Variants in LDLRAD3 observed in about 807,000 individuals in gnomAD.
LDLRAD3 encodes the protein low density lipoprotein receptor class A domain containing 3, also known as low-density lipoprotein receptor class A domain-containing protein 3.
Under a neutral mutation model 29.4 loss-of-function variants are expected in LDLRAD3, and 20 were observed. That is an observed-to-expected ratio of 0.68 (90% CI 0.48 to 0.99). LDLRAD3 has a LOEUF of 0.99. LDLRAD3 is among the 50% of genes least tolerant of loss of function. LDLRAD3 has a pLI of 0.00. For missense variants in LDLRAD3, 420 were observed against 454.3 expected, an observed-to-expected ratio of 0.92 and a Z score of 0.69; for synonymous variants, 157 against 192.7, an observed-to-expected ratio of 0.81 and a Z score of 1.53.
chr11:36,137,224 T>G (rs1014854653), intron 4 of LDLRAD3, among the ~76,000 whole-genome samples: 2 of 152,198 alleles, frequency 1.3e-5, no homozygotes, highest in Admixed American at 1.3e-4. Flanking sequence ...GATGGGACCA[T>G]TCTGTCACTG....
At chr11:36,129,706 A>G (rs1322568831) in intron 4 of LDLRAD3, among the ~76,000 whole-genome samples, 1 of 151,740 alleles carries the variant, frequency 6.6e-6, no homozygotes, top group East Asian at 1.9e-4. Flanking sequence ...CCCAGCTGAA[A>G]CATCTGCCCT....
At chr11:36,176,104 G>C (rs547129819) in intron 4 of LDLRAD3, among the ~76,000 whole-genome samples, 1 of 151,998 alleles carries the variant, frequency 6.6e-6, no homozygotes, top group East Asian at 1.9e-4. Flanking sequence ...AGTCTGTTTT[G>C]TCTATAGCTA....
At chr11:36,079,745 C>T (rs887125574) in intron 2 of LDLRAD3, among the ~76,000 whole-genome samples, 39 of 152,246 alleles carry the variant, frequency 2.6e-4, no homozygotes, top group African/African-American at 4.8e-4. Flanking sequence ...ACTTGTGGAA[C>T]GAGGTATTTA....
chr11:36,036,272 G>A (rs1852303618), intron 2 of LDLRAD3, 23 bp downstream of exon 2: 1 of 1,613,614 alleles, frequency 6.2e-7, no homozygotes. Flanking sequence ...GCCCTTTGCT[G>A]GGGTGGGGTG....
intron 4 of LDLRAD3, among the ~76,000 whole-genome samples, chr11:36,126,850 T>TAA (rs1361106861): frequency 1.3e-5 from 2 of 152,192 alleles, no homozygotes; most frequent in African/African-American, 2.4e-5. Flanking sequence ...GTGTCCTGAA[T>TAA]GGCTAAGTAA....
intron 4 of LDLRAD3, among the ~76,000 whole-genome samples, chr11:36,139,848 A>G (rs1167101364): frequency 2.0e-5 from 3 of 152,100 alleles, no homozygotes; most frequent in Non-Finnish European, 4.4e-5. Flanking sequence ...ATAGGGGGCA[A>G]CCTCTCTTCC....
intron 4 of LDLRAD3, among the ~76,000 whole-genome samples, chr11:36,178,813 G>C (rs1442986298): frequency 6.6e-6 from 1 of 152,140 alleles, no homozygotes; most frequent in Non-Finnish European, 1.5e-5. Context: ...TCCTGCCTTT[G>C]AACATCCATA....
intron 1 of LDLRAD3, among the ~76,000 whole-genome samples, chr11:35,953,257 C>T (rs1009484367): frequency 6.6e-6 from 1 of 152,120 alleles, no homozygotes; most frequent in African/African-American, 2.4e-5. Context: ...CGAGCGGCCA[C>T]GGGGAGGGAG....
intron 1 of LDLRAD3, chr11:35,997,529 G>T: frequency 2.8e-6 from 1 of 355,398 alleles, no homozygotes; most frequent in South Asian, 2.8e-5. Flanking sequence ...TCCAGTCACC[G>T]GTTGCCTTGG....
At chr11:36,079,325 C>A (rs913664738) in intron 2 of LDLRAD3, among the ~76,000 whole-genome samples, 1 of 152,130 alleles carries the variant, frequency 6.6e-6, no homozygotes, top group African/African-American at 2.4e-5. Context: ...TTTCTGTCAG[C>A]CCAAGGATCA....
chr11:36,166,391 G>T (rs1173405894), intron 4 of LDLRAD3, among the ~76,000 whole-genome samples: 2 of 152,182 alleles, frequency 1.3e-5, no homozygotes, highest in Non-Finnish European at 1.5e-5. Context: ...AGGTGACCTG[G>T]ACTCTGGAGG....
At chr11:36,183,015 G>T (rs1254728081) in intron 4 of LDLRAD3, among the ~76,000 whole-genome samples, 2 of 152,184 alleles carry the variant, frequency 1.3e-5, no homozygotes, top group Non-Finnish European at 2.9e-5. Context: ...CAAGAAGGGG[G>T]CCTATCCAGT....
At chr11:35,969,500 G>A (rs2901651) in intron 1 of LDLRAD3, among the ~76,000 whole-genome samples, 61,694 of 152,040 alleles carry the variant, frequency 0.41, 12,674 homozygotes, top group East Asian at 0.66. Flanking sequence ...TGTGATAGGC[G>A]TTTTGGTTTC....
chr11:36,157,024 G>A (rs1450387117), intron 4 of LDLRAD3, among the ~76,000 whole-genome samples: 1 of 152,190 alleles, frequency 6.6e-6, no homozygotes, highest in Non-Finnish European at 1.5e-5. Context: ...CTGGGGAGAG[G>A]ATGGGAAACA....
intron 1 of LDLRAD3, among the ~76,000 whole-genome samples, chr11:35,984,951 T>C (rs2133160991): frequency 6.7e-6 from 1 of 150,346 alleles, no homozygotes; most frequent in South Asian, 2.2e-4. Flanking sequence ...TTTTTTTTTT[T>C]TTCCCTGAGA....
At chr11:36,171,739 T>C (rs1460003756) in intron 4 of LDLRAD3, among the ~76,000 whole-genome samples, 1 of 152,224 alleles carries the variant, frequency 6.6e-6, no homozygotes, top group Admixed American at 6.5e-5. Context: ...ATAGTATAAT[T>C]TGAAGTTGGA....
At chr11:36,027,440 A>G (rs931905529) in intron 1 of LDLRAD3, among the ~76,000 whole-genome samples, 15 of 152,228 alleles carry the variant, frequency 9.9e-5, no homozygotes, top group African/African-American at 3.4e-4. Context: ...CTTCTCTTTC[A>G]ACTTTGTTTA....
intron 2 of LDLRAD3, among the ~76,000 whole-genome samples, chr11:36,079,349 A>G (rs1019530249): frequency 3.3e-5 from 5 of 152,196 alleles, no homozygotes; most frequent in East Asian, 1.9e-4. Context: ...TTTAAATTCT[A>G]TGAACTTAGT....
At chr11:36,044,924 G>A (rs921148748) in intron 2 of LDLRAD3, among the ~76,000 whole-genome samples, 7 of 152,340 alleles carry the variant, frequency 4.6e-5, no homozygotes, top group Middle Eastern at 3.4e-3. Flanking sequence ...TTTTAATGAC[G>A]ATATTTTGCT....
Sources: gnomAD v4.1 joint callset for allele counts (sites outside exome capture counted in the v4.1 genomes callset) on GRCh38, gnomAD v4.1.1 for gene constraint, MANE v1.5 for transcripts, NCBI Gene and HGNC (gene_info 2026-07-23, HGNC 2026-07-21) for gene names.